Variants in PEA15 observed in about 807,000 individuals in gnomAD.
PEA15 encodes the protein astrocytic phosphoprotein PEA-15.
For missense variants in PEA15, 77 were observed against 161.3 expected (o/e 0.48, Z 2.83); for synonymous variants, 60 against 61.8 (o/e 0.97, Z 0.13).
intron 1 of PEA15, 29 bp from the exon 2 acceptor site, chr1:160,211,514 C>T (rs747530057): frequency 6.3e-7 from 1 of 1,589,780 alleles, no homozygotes; most frequent in Non-Finnish European, 8.6e-7. Context: ...AAGCTCAACT[C>T]CTATCCCTTT....
Position 160,208,897 on chromosome 1 carries a change from G to A in PEA15, c.-2-2646G>A. The A allele has an allele frequency of 3.7e-6, 2 of 539,798 alleles. No individual in the cohort carries two copies. The highest frequency in any genetic ancestry group is 4.6e-5 in the South Asian group (2 of 43,286). 33.4% of individuals were successfully genotyped at this position (539,798 alleles called of 1,614,324 possible). On this transcript the variant is annotated intron_variant, in intron 1 of 3. Coordinates refer to ENST00000360472, the MANE Select transcript of PEA15 (RefSeq NM_003768.5). This position sits in a 1 kb window ranked among gnomAD's most constrained non-coding sequence, Gnocchi z 4.1. ...TGTCATCCTAACGACTGGGGGTGGG[G>A]GGCACCCAGAACTGAGGTTGCTATA... is the stretch of plus-strand genomic sequence containing the variant.
intron 1 of PEA15, among the ~76,000 whole-genome samples, chr1:160,209,524 C>G (rs796393511): frequency 6.6e-6 from 1 of 152,132 alleles, no homozygotes; most frequent in Non-Finnish European, 1.5e-5. Context: ...CACACACACA[C>G]ACACACACAC....
In PEA15 at chr1:160,213,578, C is replaced by T; in HGVS notation, c.*92C>T. ...AGAGGGGGCAAGGGCAACCCACCAT[C>T]TACCCACTTACTAACCTGGTCCTAA... On this transcript the variant is annotated 3_prime_UTR_variant, in exon 4 of 4. Coordinates refer to ENST00000360472, the MANE Select transcript of PEA15 (RefSeq NM_003768.5). The surrounding 1 kb of genome is among the most constrained non-coding windows in gnomAD (Gnocchi z 5.3). 9.0e-7 allele frequency: 1 copy of T among 1,106,072 alleles called. No individual in the cohort carries two copies. 68.5% of individuals were successfully genotyped at this position (1,106,072 alleles called of 1,614,324 possible).
rs1291210754 is a variant in PEA15 at position 160,205,870 on chromosome 1, GCTGGCGGTCTCCCGGCCCAGCC to G, written c.-3+352_-3+373del. The stretch of plus-strand genomic sequence containing the variant: ...CCGCTCAGGCTTCGGACTCGCCTCC[GCTGGCGGTCTCCCGGCCCAGCC>G]CTGTCTCGGTTCCGCGGGCGGCTGG... On this transcript the variant is annotated intron_variant, in intron 1 of 3. Coordinates refer to ENST00000360472, the MANE Select transcript of PEA15 (RefSeq NM_003768.5). The surrounding 1 kb of genome is among the most constrained non-coding windows in gnomAD (Gnocchi z 5.9). 1 of 152,086 alleles carries G rather than the reference GCTGGCGGTCTCCCGGCCCAGCC, an allele frequency of 6.6e-6. No homozygotes were observed. The highest frequency in any genetic ancestry group is 1.5e-5 in the Non-Finnish European group (1 of 68,058). The allele number at this position is 152,086 out of a possible 1,614,324, so 9.4% of individuals were successfully genotyped here. A position where few individuals can be genotyped will look rare whatever the true frequency, so the allele number is the denominator to read the frequency against.
chr1:160,209,671 T>G (rs191274725), intron 1 of PEA15, among the ~76,000 whole-genome samples: 178 of 152,250 alleles, frequency 1.2e-3, no homozygotes, highest in African/African-American at 4.1e-3. Context: ...CAGAGTTTCC[T>G]CCACTGGGGC....
chr1:160,206,679 T>C (rs2101687607), intron 1 of PEA15, among the ~76,000 whole-genome samples: 1 of 151,942 alleles, frequency 6.6e-6, no homozygotes. Flanking sequence ...GGTCTAGAGA[T>C]AGTCAGGGAA....
intron 1 of PEA15, 47 bp from the exon 2 acceptor site, chr1:160,211,496 C>A: frequency 6.4e-7 from 1 of 1,550,652 alleles, no homozygotes; most frequent in Non-Finnish European, 8.8e-7. Context: ...AACCAGACTC[C>A]ATACCTTAAG....
intron 1 of PEA15, among the ~76,000 whole-genome samples, chr1:160,207,556 G>C (rs1654653451): frequency 1.3e-5 from 2 of 152,110 alleles, no homozygotes; most frequent in Admixed American, 1.3e-4. Flanking sequence ...CATGCCCAAA[G>C]GTAATCCATT....
intron 1 of PEA15, among the ~76,000 whole-genome samples, chr1:160,207,617 C>T (rs1027383392): frequency 1.3e-5 from 2 of 152,152 alleles, no homozygotes; most frequent in Non-Finnish European, 2.9e-5. Context: ...TCCTGCCTCT[C>T]GTCACTTCCA....
Position 160,213,697 on chromosome 1 carries a change from G to C in PEA15, c.*211G>C. 1 of 507,386 alleles carries C rather than the reference G, an allele frequency of 2.0e-6. No homozygotes were observed. Among genetic ancestry groups the C allele is most frequent in the Admixed American group, 3.3e-5 (1 of 30,096 alleles). The allele number at this position is 507,386 out of a possible 1,614,324, so 31.4% of individuals were successfully genotyped here. On this transcript the variant is annotated 3_prime_UTR_variant, in exon 4 of 4. Transcript: ENST00000360472. This position sits in a 1 kb window ranked among gnomAD's most constrained non-coding sequence, Gnocchi z 5.3. ...CTAGTTCCTCTTCTTAAGGGGATGG[G>C]GGTCAGGGGCTAGGGGAGGGGGCTG...
Position 160,213,271 on chromosome 1 carries a change from C to A in PEA15, c.328+6C>A, listed in dbSNP as rs767842649. On this transcript the variant is annotated splice_donor_region_variant and intron_variant, in intron 3 of 3. Coordinates refer to ENST00000360472, the MANE Select transcript of PEA15 (RefSeq NM_003768.5). This position sits in a 1 kb window ranked among gnomAD's most constrained non-coding sequence, Gnocchi z 5.3. The stretch of plus-strand genomic sequence containing the variant: ...CAGTGCCAAGAAGTACAAAGGTAAG[C>A]GGCCACTCCTTTAACTAGCTGCACC... 9.3e-6 allele frequency: 15 copies of A among 1,614,042 alleles called. No individual in the cohort carries two copies. The highest frequency in any genetic ancestry group is 1.7e-5 in the Admixed American group (1 of 59,986).
chr1:160,208,651 G>T lies in PEA15; in HGVS notation c.-2-2892G>T, dbSNP rs1440861765. ...CTCTGCCAAGCCCCACCATGGCCAG[G>T]CCAGACCAGCCCAGGTACAACTGTT... On this transcript the variant is annotated intron_variant, in intron 1 of 3. Coordinates refer to ENST00000360472, the MANE Select transcript of PEA15 (RefSeq NM_003768.5). The surrounding 1 kb of genome is among the most constrained non-coding windows in gnomAD (Gnocchi z 4.1). 7.7e-6 allele frequency: 12 copies of T among 1,550,392 alleles called. No homozygotes were observed. The highest frequency in any genetic ancestry group is 1.0e-5 in the Non-Finnish European group (12 of 1,146,826).
chr1:160,208,600 G>A lies in PEA15; in HGVS notation c.-2-2943G>A, dbSNP rs1318158643. 2 of 1,550,400 alleles carry A rather than the reference G, an allele frequency of 1.3e-6. No homozygotes were observed. The highest frequency in any genetic ancestry group is 3.9e-5 in the Admixed American group (2 of 51,000). On this transcript the variant is annotated intron_variant, in intron 1 of 3. Coordinates refer to ENST00000360472, the MANE Select transcript of PEA15 (RefSeq NM_003768.5). The surrounding 1 kb of genome is among the most constrained non-coding windows in gnomAD (Gnocchi z 4.1). ...GAAATCTGAATCTCTGGTGAGGAAA[G>A]TGACATGGAGGATGAAGGAAACAAG...
At position 160,213,225 on chromosome 1, in the gene PEA15, C is replaced by T. The variant is rs768780892; in HGVS notation, c.288C>T (p.Asp96=). Residue 96 remains aspartate, a synonymous_variant, in exon 3 of 4, where the codon GAC becomes GAT. Transcript: ENST00000360472. This position sits in a 1 kb window ranked among gnomAD's most constrained non-coding sequence, Gnocchi z 5.3. The part of the protein sequence containing the change: ...VLKISEEDEL[D]TKLTRIPSAK... Reference sequence around the variant, plus strand: ...AGATCTCTGAGGAGGATGAGCTGGACACCAAGCTAACCCGTATCCCCAGTG... The same window carrying T: ...AGATCTCTGAGGAGGATGAGCTGGATACCAAGCTAACCCGTATCCCCAGTG... 2 of 1,614,102 alleles carry T rather than the reference C, an allele frequency of 1.2e-6. No homozygotes were observed. Among genetic ancestry groups the T allele is most frequent in the African/African-American group, 2.7e-5 (2 of 74,940 alleles).
Position 160,208,469 on chromosome 1 carries a change from C to A in PEA15, c.-3+2947C>A. On this transcript the variant is annotated intron_variant, in intron 1 of 3. Transcript: ENST00000360472. This position sits in a 1 kb window ranked among gnomAD's most constrained non-coding sequence, Gnocchi z 4.1. The stretch of plus-strand genomic sequence containing the variant: ...CCCTGGTATCCTGTCCCAAGAATGG[C>A]CTCCGCCCAGACTGCCTGGTGATCC... The A allele has an allele frequency of 1.3e-6, 1 of 774,460 alleles. No homozygotes were observed. The highest frequency in any genetic ancestry group is 2.1e-6 in the Non-Finnish European group (1 of 469,596). 48.0% of individuals were successfully genotyped at this position (774,460 alleles called of 1,614,324 possible). A position where few individuals can be genotyped will look rare whatever the true frequency, so the allele number is the denominator to read the frequency against.
In PEA15 at chr1:160,213,511, GT is replaced by G. The variant is rs1654963390; in HGVS notation, c.*27del. On this transcript the variant is annotated 3_prime_UTR_variant, in exon 4 of 4. Coordinates refer to ENST00000360472, the MANE Select transcript of PEA15 (RefSeq NM_003768.5). The surrounding 1 kb of genome is among the most constrained non-coding windows in gnomAD (Gnocchi z 5.3). ...AGCAAGGGGGAGGAAGAGGAGGAAG[GT>G]TGGACCTTCATCAGACCACTCCCTT... is the stretch of plus-strand genomic sequence containing the variant. 1.9e-6 allele frequency: 3 copies of G among 1,608,716 alleles called. No homozygotes were observed. The African/African-American group carries it at 4.0e-5, about 22-fold the overall frequency.
chr1:160,205,462 C>G lies in PEA15; in HGVS notation c.-63C>G. On this transcript the variant is annotated 5_prime_UTR_variant, in exon 1 of 4. Coordinates refer to ENST00000360472, the MANE Select transcript of PEA15 (RefSeq NM_003768.5). The surrounding 1 kb of genome is among the most constrained non-coding windows in gnomAD (Gnocchi z 5.9). ...CGGGAGCCGAGGAGGAGGTTCCGGA[C>G]GCTGCTTAGGAACCGGGGACTCAGG... 5.5e-6 allele frequency: 1 copy of G among 183,482 alleles called. No homozygotes were observed. Among genetic ancestry groups the G allele is most frequent in the Non-Finnish European group, 1.1e-5 (1 of 91,446 alleles). 11.4% of individuals were successfully genotyped at this position (183,482 alleles called of 1,614,324 possible). A position where few individuals can be genotyped will look rare whatever the true frequency, so the allele number is the denominator to read the frequency against.
chr1:160,206,577 A>T (rs1654602463), intron 1 of PEA15, among the ~76,000 whole-genome samples: 1 of 152,124 alleles, frequency 6.6e-6, no homozygotes, highest in Non-Finnish European at 1.5e-5. Context: ...CGGAGAGGAA[A>T]AAGAATGGGT....
rs1365611640 is a variant in PEA15 at position 160,213,391 on chromosome 1, T to G, written c.329-31T>G. The G allele has an allele frequency of 1.2e-6, 2 of 1,613,580 alleles. No homozygotes were observed. The highest frequency in any genetic ancestry group is 1.7e-6 in the Non-Finnish European group (2 of 1,179,562). ...GCCTGCCTGGCATCTCCCACACTGCTGTCCCTGGACACATACCTTTTTGCC... is the reference window on the plus strand; with the variant it reads ...GCCTGCCTGGCATCTCCCACACTGCGGTCCCTGGACACATACCTTTTTGCC... On this transcript the variant is annotated intron_variant, in intron 3 of 3. Coordinates refer to ENST00000360472, the MANE Select transcript of PEA15 (RefSeq NM_003768.5). The surrounding 1 kb of genome is among the most constrained non-coding windows in gnomAD (Gnocchi z 5.3).
Sources: gnomAD v4.1 joint callset for allele counts (sites outside exome capture counted in the v4.1 genomes callset) on GRCh38, gnomAD v4.1.1 for gene constraint, Gnocchi (gnomAD v3.1) non-coding constraint, MANE v1.5 for transcripts, NCBI Gene and HGNC (gene_info 2026-07-23, HGNC 2026-07-21) for gene names.